PATJ: variants seen among roughly 807,000 people sequenced by gnomAD.
The protein encoded by PATJ is inaD-like protein.
Under a neutral mutation model 224.9 loss-of-function variants are expected in PATJ, and 190 were observed. That is an observed-to-expected ratio of 0.84 (90% confidence interval 0.75 to 0.95). The LOEUF (loss-of-function observed/expected upper bound fraction) is 0.95, where lower values mean the gene tolerates loss of function less well. Ranked by LOEUF, PATJ falls within the 40% of genes least tolerant of loss-of-function variation. The probability of loss-of-function intolerance (pLI) is 0.00; values close to 1 mark genes in which losing one functional copy is unlikely to be tolerated. For missense variants in PATJ, 2,121 were observed against 2,270.3 expected (o/e 0.93, Z 1.34); for synonymous variants, 769 against 820.3 (o/e 0.94, Z 1.07).
intron 31 of PATJ, among the ~76,000 whole-genome samples, chr1:62,061,997 G>C (rs778681078): frequency 2.0e-5 from 3 of 152,134 alleles, no homozygotes; most frequent in Admixed American, 1.3e-4. Flanking sequence ...CTGTTGATGG[G>C]CACCCAGGTT....
intron 1 of PATJ, among the ~76,000 whole-genome samples, chr1:61,743,673 A>C (rs544013012): frequency 3.9e-5 from 6 of 152,320 alleles, no homozygotes; most frequent in African/African-American, 1.4e-4. Context: ...TTAAAAACTT[A>C]AATCTGTTTG....
chr1:61,959,819 A>T (rs887439935), intron 27 of PATJ, among the ~76,000 whole-genome samples: 2 of 152,046 alleles, frequency 1.3e-5, no homozygotes, highest in Non-Finnish European at 2.9e-5. Flanking sequence ...ATGAAAGAAT[A>T]AGTGCTAGCC....
intron 33 of PATJ, among the ~76,000 whole-genome samples, 196 bp from the exon 34 acceptor site, chr1:62,108,241 A>G (rs1317253083): frequency 6.6e-6 from 1 of 152,232 alleles, no homozygotes; most frequent in Admixed American, 6.5e-5. Flanking sequence ...GCCAGTTTTA[A>G]AGGAATGAAA....
chr1:61,813,858 T>C (rs1192685539), intron 14 of PATJ, among the ~76,000 whole-genome samples: 4 of 152,286 alleles, frequency 2.6e-5, no homozygotes, highest in African/African-American at 9.6e-5. Context: ...AATTGTGTTG[T>C]AGAAGACTAA....
intron 27 of PATJ, among the ~76,000 whole-genome samples, chr1:61,940,933 C>T (rs932088270): frequency 6.6e-6 from 1 of 152,108 alleles, no homozygotes; most frequent in Non-Finnish European, 1.5e-5. Flanking sequence ...TACATTTTCA[C>T]TTTCAACTGA....
At chr1:62,104,823 C>A (rs1219877570) in intron 33 of PATJ, among the ~76,000 whole-genome samples, 2 of 152,100 alleles carry the variant, frequency 1.3e-5, no homozygotes, top group Non-Finnish European at 2.9e-5. Flanking sequence ...AGGCACGTGC[C>A]ACCATGCCTG....
At chr1:61,777,811 A>T (rs1232230931) in intron 7 of PATJ, among the ~76,000 whole-genome samples, 1 of 146,926 alleles carries the variant, frequency 6.8e-6, no homozygotes, top group East Asian at 2.1e-4. Context: ...AGGCTCAAGC[A>T]GTCCTCCTAC....
intron 14 of PATJ, among the ~76,000 whole-genome samples, chr1:61,818,548 A>G (rs570476719): frequency 6.6e-6 from 1 of 152,364 alleles, no homozygotes; most frequent in South Asian, 2.1e-4. Context: ...TCCCGCAGAG[A>G]AGCTTGCAGC....
At chr1:61,755,152 A>G (rs912719564) in intron 1 of PATJ, among the ~76,000 whole-genome samples, 5 of 151,396 alleles carry the variant, frequency 3.3e-5, no homozygotes, top group African/African-American at 1.2e-4. Flanking sequence ...CTAAAAATAC[A>G]AAAAAAATTA....
intron 37 of PATJ, among the ~76,000 whole-genome samples, chr1:62,119,667 C>T (rs1375512141): frequency 6.6e-6 from 1 of 152,120 alleles, no homozygotes; most frequent in East Asian, 1.9e-4. Context: ...TGGGGCCGGG[C>T]GTGGTGGCTC....
chr1:61,805,141 A>C (rs1222063302), intron 12 of PATJ, among the ~76,000 whole-genome samples: 1 of 152,226 alleles, frequency 6.6e-6, no homozygotes, highest in Non-Finnish European at 1.5e-5. Flanking sequence ...GGATATTTAC[A>C]TATAAACTGT....
At chr1:62,008,695 G>C (rs929826894) in intron 28 of PATJ, among the ~76,000 whole-genome samples, 2 of 152,262 alleles carry the variant, frequency 1.3e-5, no homozygotes, top group East Asian at 3.9e-4. Flanking sequence ...GCTGCAGTGA[G>C]CCATGATCGC....
chr1:61,880,215 G>C (rs961904290), intron 21 of PATJ, among the ~76,000 whole-genome samples: 6 of 152,140 alleles, frequency 3.9e-5, no homozygotes, highest in Non-Finnish European at 7.4e-5. Flanking sequence ...TGTTCATTCT[G>C]TATCTCTCTC....
intron 29 of PATJ, among the ~76,000 whole-genome samples, chr1:62,033,809 T>C (rs1031026354): frequency 6.6e-6 from 1 of 152,198 alleles, no homozygotes; most frequent in Non-Finnish European, 1.5e-5. Context: ...AAGATCACTT[T>C]TGTTCAACAG....
chr1:61,771,966 C>A (rs988505720), intron 6 of PATJ, among the ~76,000 whole-genome samples: 2 of 152,136 alleles, frequency 1.3e-5, no homozygotes, highest in Non-Finnish European at 2.9e-5. Flanking sequence ...AGGTGATCCA[C>A]CTGCCTTGGC....
At chr1:61,997,355 G>A (rs1173141391) in intron 28 of PATJ, among the ~76,000 whole-genome samples, 2 of 152,180 alleles carry the variant, frequency 1.3e-5, no homozygotes, top group Non-Finnish European at 2.9e-5. Flanking sequence ...AGACTGTGGT[G>A]CTGGCTGAGT....
chr1:62,162,174 G>A lies in PATJ; in HGVS notation c.*1120G>A, dbSNP rs905709411. Reference sequence around the variant, plus strand: ...CAGTGCTAAATTACATTCAAGTCCAGGAAGATCACCTGGAATTAATGGCAT... The same window carrying A: ...CAGTGCTAAATTACATTCAAGTCCAAGAAGATCACCTGGAATTAATGGCAT... On this transcript the variant is annotated 3_prime_UTR_variant, in exon 44 of 44. Transcript: ENST00000642238. 18 of 152,152 alleles carry A rather than the reference G, an allele frequency of 1.2e-4. No homozygotes were observed. Among genetic ancestry groups the A allele is most frequent in the Non-Finnish European group, 2.1e-4 (14 of 68,044 alleles). 9.4% of individuals were successfully genotyped at this position (152,152 alleles called of 1,614,324 possible).
chr1:62,053,029 G>A (rs1159862791), intron 31 of PATJ, among the ~76,000 whole-genome samples: 1 of 152,172 alleles, frequency 6.6e-6, no homozygotes. Flanking sequence ...TTGCTTGCTG[G>A]AAGAATCTGG....
intron 24 of PATJ, among the ~76,000 whole-genome samples, chr1:61,903,075 C>A (rs1571208649): frequency 6.6e-6 from 1 of 152,156 alleles, no homozygotes; most frequent in East Asian, 1.9e-4. Flanking sequence ...TCACGTAGAT[C>A]CTGAAAGCTC....
Sources: allele counts gnomAD v4.1 joint callset (sites outside exome capture counted in the v4.1 genomes callset), GRCh38; gene constraint gnomAD v4.1.1; transcripts MANE v1.5; gene names NCBI Gene and HGNC (gene_info 2026-07-23, HGNC 2026-07-21).